The following USP35 variants were observed in gnomAD, a reference collection of about 807,000 sequenced individuals.
The protein encoded by USP35 is ubiquitin specific peptidase 35.
USP35 carries 69 observed loss-of-function variants against 83.8 expected under a neutral mutation model. The ratio of observed to expected loss-of-function variants is 0.82; its 90% CI spans 0.68 to 1.01. USP35 has a LOEUF of 1.01. Among genes scored for constraint, USP35 ranks in the 50% least tolerant of loss-of-function variants. USP35 has a pLI of 0.00. For synonymous variants in USP35, 714 were observed against 589.5 expected (o/e 1.21, Z -3.06); for missense variants, 1,503 against 1,362.5 (o/e 1.10, Z -1.62).
chr11:78,209,002 AG>A, intron 9 of USP35, 39 bp downstream of exon 9: 3 of 1,599,274 alleles, frequency 1.9e-6, no homozygotes, highest in Non-Finnish European at 2.6e-6. Context: ...CCAGGTCTAG[AG>A]GGTCCTTGGG....
chr11:78,213,836 C>T lies in USP35; in HGVS notation c.*23C>T. On this transcript the variant is annotated 3_prime_UTR_variant, in exon 11 of 11. Transcript: ENST00000529308. ...TAATGTGAACCTGCTGCCAACCTGACCCCTTCCCTCCAGGAGCCAGGTAGG... is the reference window on the plus strand; with the variant it reads ...TAATGTGAACCTGCTGCCAACCTGATCCCTTCCCTCCAGGAGCCAGGTAGG... 2 of 1,535,318 alleles carry T rather than the reference C, an allele frequency of 1.3e-6. No individual in the cohort carries two copies. The highest frequency in any genetic ancestry group is 1.7e-6 in the Non-Finnish European group (2 of 1,152,004).
chr11:78,210,866 C>T, intron 10 of USP35, 122 bp downstream of exon 10: 1 of 1,086,652 alleles, frequency 9.2e-7, no homozygotes, highest in Non-Finnish European at 1.3e-6. Flanking sequence ...ATCTGTTGCT[C>T]AGTGCTGGGT....
At chr11:78,207,705 C>T (rs1262405515) in intron 8 of USP35, 82 bp downstream of exon 8, 13 of 1,391,892 alleles carry the variant, frequency 9.3e-6, no homozygotes, top group Non-Finnish European at 1.0e-5. Context: ...TTCCCCAGGA[C>T]CTGCCTGCAT....
At chr11:78,199,371 G>A in intron 3 of USP35, 1 of 590,322 alleles carries the variant, frequency 1.7e-6, no homozygotes, top group East Asian at 3.1e-5. Flanking sequence ...GAGAGGGCCT[G>A]GCTCCCTTCT....
At chr11:78,195,395 G>A (rs1195049762) in intron 1 of USP35, among the ~76,000 whole-genome samples, 4 of 152,314 alleles carry the variant, frequency 2.6e-5, no homozygotes, top group East Asian at 3.9e-4. Flanking sequence ...GCACACACAC[G>A]AAGTGGAGTC....
chr11:78,209,177 G>A (rs1463516128), intron 9 of USP35, among the ~76,000 whole-genome samples: 2 of 152,208 alleles, frequency 1.3e-5, no homozygotes, highest in East Asian at 3.8e-4. Context: ...AGGTCATTGT[G>A]TATGTCTGCA....
downstream of USP35, among the ~76,000 whole-genome samples, chr11:78,219,787 C>A (rs1356026476): frequency 6.6e-6 from 1 of 152,186 alleles, no homozygotes; most frequent in Non-Finnish European, 1.5e-5. Context: ...CAAACATCAG[C>A]CACAGGACTT....
At chr11:78,194,740 T>C (rs1232236897) in intron 1 of USP35, among the ~76,000 whole-genome samples, 2 of 152,134 alleles carry the variant, frequency 1.3e-5, no homozygotes, top group Non-Finnish European at 2.9e-5. Context: ...TGACTCACAC[T>C]GCACCCTGCA....
intron 6 of USP35, among the ~76,000 whole-genome samples, chr11:78,204,425 C>T (rs989311115): frequency 1.4e-4 from 22 of 152,152 alleles, no homozygotes; most frequent in African/African-American, 5.3e-4. Context: ...TCTTTGGGAC[C>T]TGTGATACTT....
intron 6 of USP35, among the ~76,000 whole-genome samples, chr11:78,203,260 T>C (rs1863414948): frequency 6.6e-6 from 1 of 152,192 alleles, no homozygotes; most frequent in Non-Finnish European, 1.5e-5. Context: ...TTGATCTTAC[T>C]GTACGGGGAC....
the USP35 span, chr11:78,226,386 G>A: frequency 9.5e-6 from 11 of 1,152,642 alleles, no homozygotes; most frequent in Non-Finnish European, 1.2e-5. Context: ...GGCCATGGAT[G>A]ACCAAGGACC....
Position 78,200,696 on chromosome 11 carries a change from A to T in USP35, c.1085A>T (p.Asp362Val), listed in dbSNP as rs767291011. 24 of 1,613,720 alleles carry T rather than the reference A, an allele frequency of 1.5e-5. No individual in the cohort carries two copies. The Admixed American group carries it at 3.2e-4, about 21-fold the overall frequency. ...ATGGTGGCCTCTCTGGTCAAGGAGG[A>T]CTCGAACTCGGGGACCAGCTGCCTG... ...PPMVASLVKE[D>V]SNSGTSCLEQ... Residue 362 changes from aspartate to valine, a missense_variant, in exon 6 of 11, where the codon GAC becomes GTC. Coordinates refer to ENST00000529308, the MANE Select transcript of USP35 (RefSeq NM_020798.4).
chr11:78,199,605 T>C lies in USP35; in HGVS notation c.817T>C (p.Trp273Arg). 1 of 1,614,206 alleles carries C rather than the reference T, an allele frequency of 6.2e-7. No homozygotes were observed. The highest frequency in any genetic ancestry group is 8.5e-7 in the Non-Finnish European group (1 of 1,180,012). Residue 273 changes from tryptophan to arginine, a missense_variant, in exon 4 of 11, where the codon TGG becomes CGG. Physicochemically the swap from Trp to Arg is moderately radical, Grantham distance 101. Transcript: ENST00000529308. ...CACTCCCCTCACCAGGATGATTGAC[T>C]GGGTGTCCTGGCCCCTGGGGAAGAA... is the stretch of plus-strand genomic sequence containing the variant. ...MLTAISRMID[W>R]VSWPLGKNID...
chr11:78,234,490 A>G, the USP35 span, among the ~76,000 whole-genome samples: 5 of 151,668 alleles, frequency 3.3e-5, no homozygotes, highest in Non-Finnish European at 7.4e-5. Context: ...TTATTCCTAT[A>G]TGAATGTCAA....
Position 78,196,993 on chromosome 11 carries a change from G to T in USP35, c.673+75G>T. 7.1e-7 allele frequency: 1 copy of T among 1,404,926 alleles called. No homozygotes were observed. The highest frequency in any genetic ancestry group is 9.2e-7 in the Non-Finnish European group (1 of 1,084,270). The allele number at this position is 1,404,926 out of a possible 1,614,324, so 87.0% of individuals were successfully genotyped here. On this transcript the variant is annotated intron_variant, in intron 2 of 10. Transcript: ENST00000529308. The surrounding 1 kb of genome is among the most constrained non-coding windows in gnomAD (Gnocchi z 4.8). ...GGCGCTTGGGTAGGTGGCTGTACGT[G>T]TGGATTTGTGCATGCGGGCGCCCGT... is the stretch of plus-strand genomic sequence containing the variant.
chr11:78,204,465 A>G (rs1863474637), intron 6 of USP35, among the ~76,000 whole-genome samples: 2 of 152,196 alleles, frequency 1.3e-5, no homozygotes, highest in African/African-American at 2.4e-5. Flanking sequence ...ATCAGTTTCT[A>G]GTAACATTAT....
At chr11:78,211,322 A>G (rs1329684747) in intron 10 of USP35, among the ~76,000 whole-genome samples, 1 of 152,088 alleles carries the variant, frequency 6.6e-6, no homozygotes, top group Non-Finnish European at 1.5e-5. Flanking sequence ...TGTGGTGTAT[A>G]TGTGCCACAT....
At chr11:78,213,536 C>A in intron 10 of USP35, 110 bp from the exon 11 acceptor site, 1 of 1,281,198 alleles carries the variant, frequency 7.8e-7, no homozygotes, top group East Asian at 2.9e-5. Flanking sequence ...TCTGTGTGTC[C>A]AGGCCCTGGG....
At chr11:78,212,710 A>G (rs1347806432) in intron 10 of USP35, among the ~76,000 whole-genome samples, 3 of 152,150 alleles carry the variant, frequency 2.0e-5, no homozygotes, top group African/African-American at 7.2e-5. Flanking sequence ...GTGTATAGGA[A>G]TGCTAGCAAT....
Sources: gnomAD v4.1 joint callset for allele counts (sites outside exome capture counted in the v4.1 genomes callset) on GRCh38, gnomAD v4.1.1 for gene constraint, Gnocchi (gnomAD v3.1) non-coding constraint, MANE v1.5 for transcripts, NCBI Gene and HGNC (gene_info 2026-07-23, HGNC 2026-07-21) for gene names.